Variants in KCNJ6 observed in about 807,000 individuals in gnomAD.
The protein encoded by KCNJ6 is potassium inwardly rectifying channel subfamily J member 6, also known as G protein-activated inward rectifier potassium channel 2.
Under a neutral mutation model 34.2 loss-of-function variants are expected in KCNJ6, and 9 were observed. The ratio of observed to expected loss-of-function variants is 0.26; its 90% confidence interval spans 0.16 to 0.46. The LOEUF is 0.46. Ranked by LOEUF, KCNJ6 falls within the 20% of genes least tolerant of loss-of-function variation. KCNJ6 has a pLI of 1.00. For synonymous variants in KCNJ6, 196 were observed against 207.1 expected, an observed-to-expected ratio of 0.95 and a Z score of 0.46; for missense variants, 236 against 531.3, an observed-to-expected ratio of 0.44 and a Z score of 5.46.
intron 2 of KCNJ6, among the ~76,000 whole-genome samples, chr21:37,840,066 T>C (rs2055472550): frequency 6.6e-6 from 1 of 152,264 alleles, no homozygotes; most frequent in South Asian, 2.1e-4. Context: ...CCCAAAGTGC[T>C]GGGATTACAG....
chr21:37,665,666 GACTAA>G (rs2054510587), intron 3 of KCNJ6, among the ~76,000 whole-genome samples: 1 of 152,198 alleles, frequency 6.6e-6, no homozygotes, highest in Non-Finnish European at 1.5e-5. Context: ...GGAGGAACAA[GACTAA>G]AATACAGTTT....
rs114688787 is a variant in KCNJ6 at position 37,868,202 on chromosome 21, C to T, written c.-27-27493G>A. Reference sequence around the variant, plus strand: ...CACTTTGCAAACAATGCAATAAATACGGTGGAGGGTAGCACATTCTCCTAT... The same window carrying T: ...CACTTTGCAAACAATGCAATAAATATGGTGGAGGGTAGCACATTCTCCTAT... On this transcript the variant is annotated intron_variant, in intron 1 of 3. Coordinates refer to ENST00000609713, the MANE Select transcript of KCNJ6 (RefSeq NM_002240.5). Among the ~76,000 whole-genome samples, 559 of 152,238 alleles carry T rather than the reference C, an allele frequency of 3.7e-3. 4 individuals carry two copies. Among genetic ancestry groups the T allele is most frequent in the African/African-American group, 0.012 (511 of 41,534 alleles).
intron 3 of KCNJ6, among the ~76,000 whole-genome samples, chr21:37,693,930 T>C (rs886115612): frequency 8.0e-6 from 1 of 125,466 alleles, no homozygotes. Context: ...TTACCATTTT[T>C]TTTTTAAAAA....
chr21:37,686,017 C>T (rs1709829), intron 3 of KCNJ6, among the ~76,000 whole-genome samples: 148,653 of 152,072 alleles, frequency 0.98, 72,691 homozygotes, highest in East Asian at 1. Context: ...AGAAAGGCAC[C>T]CAAGTGACAG....
rs150897882 is a variant in KCNJ6, at chr21:37,910,864, T to C, written c.-28+5020A>G. 1.6e-4 allele frequency among the ~76,000 whole-genome samples: 24 copies of C among 152,352 alleles called. No individual in the cohort carries two copies. In the East Asian group the frequency reaches 4.1e-3, roughly 26 times the overall value. On this transcript the variant is annotated intron_variant, in intron 1 of 3. Coordinates refer to ENST00000609713, the MANE Select transcript of KCNJ6 (RefSeq NM_002240.5). ...TGATTGATGGCCTTACTGCATTCCA[T>C]ATAAAATCAGATCTGAATGACCATT...
intron 3 of KCNJ6, among the ~76,000 whole-genome samples, chr21:37,677,971 C>T (rs2123415323): frequency 6.6e-6 from 1 of 151,932 alleles, no homozygotes; most frequent in South Asian, 2.1e-4. Context: ...AATTGCTGCT[C>T]TTTGCCTAGC....
chr21:37,642,856 G>A (rs1374210725), intron 3 of KCNJ6, among the ~76,000 whole-genome samples: 1 of 152,150 alleles, frequency 6.6e-6, no homozygotes, highest in Non-Finnish European at 1.5e-5. Context: ...TAACTAAAAT[G>A]TCTTCATCAT....
In KCNJ6 at chr21:37,623,854, GC is replaced by G. The variant is rs2054299315; in HGVS notation, c.*1304del. 1 of 152,164 alleles carries G rather than the reference GC, an allele frequency of 6.6e-6. No individual in the cohort carries two copies. The highest frequency in any genetic ancestry group is 2.4e-5 in the African/African-American group (1 of 41,446). 9.4% of individuals were successfully genotyped at this position (152,164 alleles called of 1,614,324 possible). A position where few individuals can be genotyped will look rare whatever the true frequency, so the allele number is the denominator to read the frequency against. ...CAATGCAAGAAATGCTGATGGATAA[GC>G]CCCAGGGACAGGCGAGATGTCATTC... On this transcript the variant is annotated 3_prime_UTR_variant, in exon 4 of 4. Transcript: ENST00000609713.
intron 2 of KCNJ6, among the ~76,000 whole-genome samples, chr21:37,791,212 T>C (rs1430706907): frequency 1.3e-5 from 2 of 152,326 alleles, no homozygotes; most frequent in Admixed American, 1.3e-4. Context: ...TCTGGGGCAG[T>C]TTCTGATTAA....
intron 3 of KCNJ6, among the ~76,000 whole-genome samples, chr21:37,629,917 TAAA>T (rs1237313477): frequency 6.6e-6 from 1 of 151,702 alleles, no homozygotes; most frequent in African/African-American, 2.4e-5. Context: ...TAAAAAAGGA[TAAA>T]AAAGAATATT....
intron 2 of KCNJ6, among the ~76,000 whole-genome samples, chr21:37,817,179 G>A (rs769914998): frequency 6.6e-5 from 10 of 152,162 alleles, no homozygotes; most frequent in African/African-American, 2.4e-4. Context: ...AACAAAAATG[G>A]CTCTTAGAAT....
chr21:37,802,649 C>T (rs2055274697), intron 2 of KCNJ6, among the ~76,000 whole-genome samples: 1 of 152,150 alleles, frequency 6.6e-6, no homozygotes, highest in Non-Finnish European at 1.5e-5. Flanking sequence ...TGTTAGACTT[C>T]TAACCACAAA....
chr21:37,740,335 T>G (rs1030522537), intron 2 of KCNJ6, among the ~76,000 whole-genome samples: 1 of 152,188 alleles, frequency 6.6e-6, no homozygotes, highest in African/African-American at 2.4e-5. Context: ...ATCTACTCTC[T>G]CTGAAGCCTG....
intron 3 of KCNJ6, among the ~76,000 whole-genome samples, chr21:37,701,464 G>C (rs903527107): frequency 6.6e-6 from 1 of 152,068 alleles, no homozygotes; most frequent in African/African-American, 2.4e-5. Context: ...AGAGCAGTCT[G>C]GTTTGTGACC....
At chr21:37,872,039 G>A (rs1226280343) in intron 1 of KCNJ6, among the ~76,000 whole-genome samples, 1 of 152,136 alleles carries the variant, frequency 6.6e-6, no homozygotes, top group African/African-American at 2.4e-5. Flanking sequence ...GGGATTGTGG[G>A]AGAAGGTTGG....
intron 1 of KCNJ6, among the ~76,000 whole-genome samples, chr21:37,866,842 G>T (rs2055625134): frequency 6.6e-6 from 1 of 152,200 alleles, no homozygotes; most frequent in African/African-American, 2.4e-5. Flanking sequence ...AAGCAATGAA[G>T]ATTACTGGAT....
intron 1 of KCNJ6, among the ~76,000 whole-genome samples, chr21:37,863,836 A>C (rs2055606584): frequency 8.8e-6 from 1 of 113,054 alleles, no homozygotes; most frequent in Non-Finnish European, 1.9e-5. Flanking sequence ...AGCAATTTTA[A>C]AATATAAAGG....
At chr21:37,744,591 T>G (rs1216157820) in intron 2 of KCNJ6, among the ~76,000 whole-genome samples, 1 of 152,174 alleles carries the variant, frequency 6.6e-6, no homozygotes, top group African/African-American at 2.4e-5. Context: ...CTGATGGTAA[T>G]AATTCAAGTA....
At chr21:37,722,895 G>A (rs1443161307) in intron 2 of KCNJ6, among the ~76,000 whole-genome samples, 3 of 152,090 alleles carry the variant, frequency 2.0e-5, no homozygotes, top group Admixed American at 6.6e-5. Flanking sequence ...ATATGACTAC[G>A]TCCCTTGAAA....
Sources: allele counts gnomAD v4.1 joint callset (sites outside exome capture counted in the v4.1 genomes callset), GRCh38; gene constraint gnomAD v4.1.1; transcripts MANE v1.5; gene names NCBI Gene and HGNC (gene_info 2026-07-23, HGNC 2026-07-21).